The following ZFPM2 variants were observed in gnomAD, a reference collection of about 807,000 sequenced individuals.
ZFPM2 encodes the protein zinc finger protein ZFPM2.
Under a neutral mutation model 98.6 loss-of-function variants are expected in ZFPM2, and 20 were observed. The ratio of observed to expected loss-of-function variants is 0.20; its 90% CI spans 0.14 to 0.29. The LOEUF (loss-of-function observed/expected upper bound fraction) is 0.29, where lower values mean the gene tolerates loss of function less well. ZFPM2 is among the 10% of genes least tolerant of loss of function. ZFPM2 has a pLI of 1.00. For missense variants in ZFPM2, 1,310 were observed against 1,388.6 expected (o/e 0.94, Z 0.90); for synonymous variants, 518 against 502.7 (o/e 1.03, Z -0.41).
chr8:105,553,131 C>A (rs962820546), intron 3 of ZFPM2, among the ~76,000 whole-genome samples: 1 of 151,988 alleles, frequency 6.6e-6, no homozygotes, highest in Non-Finnish European at 1.5e-5. Flanking sequence ...TTTTTAAAAA[C>A]ACTTAGAATT....
chr8:105,649,079 G>T (rs1301247765), intron 5 of ZFPM2, among the ~76,000 whole-genome samples: 1 of 152,124 alleles, frequency 6.6e-6, no homozygotes, highest in Non-Finnish European at 1.5e-5. Context: ...AGTTCTCCTT[G>T]AAGAGGTCCT....
chr8:105,410,307 C>T (rs1374484572), intron 1 of ZFPM2, among the ~76,000 whole-genome samples: 5 of 151,908 alleles, frequency 3.3e-5, no homozygotes, highest in South Asian at 2.1e-4. Flanking sequence ...AACAAAGAAA[C>T]GTATGCTGAA....
intron 1 of ZFPM2, among the ~76,000 whole-genome samples, chr8:105,384,321 T>A (rs749846898): frequency 1.5e-4 from 23 of 151,926 alleles, no homozygotes; most frequent in Non-Finnish European, 2.4e-4. Context: ...GCCACTGAGA[T>A]AAAAGTAAGA....
chr8:105,501,733 C>A (rs1357887937), intron 3 of ZFPM2, among the ~76,000 whole-genome samples: 1 of 152,090 alleles, frequency 6.6e-6, no homozygotes, highest in Admixed American at 6.6e-5. Context: ...GATCCACCCG[C>A]CTCAGCCTCC....
chr8:105,801,389 C>A lies in ZFPM2; in HGVS notation c.1307C>A (p.Thr436Lys). ...AMQTKDASSD[T>K]ELDKCEKKTQ... ...CAGACTAAAGATGCGAGCTCTGACA[C>A]AGAGCTGGACAAGTGTGAGAAAAAG... The change falls in exon 8 of 8, where the codon ACA (threonine) becomes AAA (lysine). Residue 436 changes from threonine (T) to lysine (K), a missense_variant. Physicochemically the swap from Thr to Lys is moderately conservative, Grantham distance 78 (BLOSUM62 -1). Transcript: ENST00000407775. 2 of 1,613,904 alleles carry A rather than the reference C, an allele frequency of 1.2e-6. No individual in the cohort carries two copies. Among genetic ancestry groups the A allele is most frequent in the Non-Finnish European group, 8.5e-7 (1 of 1,179,862 alleles).
intron 5 of ZFPM2, among the ~76,000 whole-genome samples, chr8:105,762,523 G>A (rs1210807145): frequency 6.6e-6 from 1 of 151,948 alleles, no homozygotes; most frequent in African/African-American, 2.4e-5. Flanking sequence ...CTCCTTGTGA[G>A]TGGGCACAAT....
intron 5 of ZFPM2, among the ~76,000 whole-genome samples, chr8:105,654,788 C>G (rs1817251579): frequency 6.6e-6 from 1 of 152,092 alleles, no homozygotes; most frequent in African/African-American, 2.4e-5. Flanking sequence ...GTAGTGACGC[C>G]TGTCAAATTA....
At chr8:105,652,518 A>G (rs1416460967) in intron 5 of ZFPM2, among the ~76,000 whole-genome samples, 1 of 151,804 alleles carries the variant, frequency 6.6e-6, no homozygotes, top group Non-Finnish European at 1.5e-5. Context: ...TTATGCATGT[A>G]TTTCTAGCTA....
At chr8:105,604,440 A>G (rs1313261231) in intron 4 of ZFPM2, among the ~76,000 whole-genome samples, 1 of 152,038 alleles carries the variant, frequency 6.6e-6, no homozygotes, top group Non-Finnish European at 1.5e-5. Context: ...TTTAACATGT[A>G]AATTACAGCA....
At chr8:105,394,105 G>C (rs1291824986) in intron 1 of ZFPM2, among the ~76,000 whole-genome samples, 1 of 152,018 alleles carries the variant, frequency 6.6e-6, no homozygotes, top group Non-Finnish European at 1.5e-5. Context: ...GTGTTAGCCA[G>C]GATGGTCTCT....
intron 4 of ZFPM2, among the ~76,000 whole-genome samples, chr8:105,597,635 G>GCATTATATATGCATTATATATATT: frequency 6.6e-6 from 1 of 151,980 alleles, no homozygotes; most frequent in Non-Finnish European, 1.5e-5. Flanking sequence ...ATTTAATGCA[G>GCATTATATATGCATTATATATATT]ATAAATATTA....
At chr8:105,416,233 C>T (rs1811677330) in intron 1 of ZFPM2, among the ~76,000 whole-genome samples, 1 of 151,486 alleles carries the variant, frequency 6.6e-6, no homozygotes, top group Non-Finnish European at 1.5e-5. Flanking sequence ...GTACATTTTT[C>T]TTTCACATTT....
intron 3 of ZFPM2, among the ~76,000 whole-genome samples, chr8:105,525,410 C>T (rs1002576411): frequency 5.3e-5 from 8 of 152,214 alleles, no homozygotes; most frequent in African/African-American, 1.2e-4. Flanking sequence ...GGGGCTATTC[C>T]GTGCCAGTCA....
intron 5 of ZFPM2, among the ~76,000 whole-genome samples, chr8:105,680,363 A>T (rs1810574414): frequency 6.6e-6 from 1 of 152,204 alleles, no homozygotes; most frequent in Non-Finnish European, 1.5e-5. Context: ...AGAAATAGCA[A>T]TCAGAAAATT....
intron 3 of ZFPM2, among the ~76,000 whole-genome samples, chr8:105,541,028 C>T: frequency 6.6e-6 from 1 of 151,992 alleles, no homozygotes; most frequent in East Asian, 1.9e-4. Context: ...TGCAGACTGA[C>T]CTGTAAGATT....
intron 5 of ZFPM2, among the ~76,000 whole-genome samples, chr8:105,701,603 G>A (rs1455992618): frequency 3.9e-5 from 6 of 152,106 alleles, no homozygotes; most frequent in East Asian, 1.9e-4. Flanking sequence ...ATCTTCAGAC[G>A]TACCATTAAT....
At chr8:105,751,556 A>G (rs1812476291) in intron 5 of ZFPM2, among the ~76,000 whole-genome samples, 2 of 152,062 alleles carry the variant, frequency 1.3e-5, no homozygotes, top group South Asian at 4.1e-4. Context: ...ATGCTTAGGG[A>G]AAGAAGGGCT....
intron 5 of ZFPM2, among the ~76,000 whole-genome samples, chr8:105,707,745 G>T (rs1316314672): frequency 3.3e-5 from 5 of 152,060 alleles, no homozygotes; most frequent in East Asian, 1.9e-4. Context: ...AGGAAACAAA[G>T]AATTAAATTA....
chr8:105,768,822 TACAC>T (rs113463842), intron 5 of ZFPM2, among the ~76,000 whole-genome samples: 6 of 150,200 alleles, frequency 4.0e-5, no homozygotes, highest in African/African-American at 7.3e-5. Context: ...AACAAATACA[TACAC>T]ACACACACAC....
Sources: gnomAD v4.1 joint callset for allele counts (sites outside exome capture counted in the v4.1 genomes callset) on GRCh38, gnomAD v4.1.1 for gene constraint, MANE v1.5 for transcripts, NCBI Gene and HGNC (gene_info 2026-07-23, HGNC 2026-07-21) for gene names.